The following PHF8 variants were observed in gnomAD, a reference collection of about 807,000 sequenced individuals.
The protein encoded by PHF8 is PHD finger protein 8.
In PHF8, 9 loss-of-function variants were observed where a neutral mutation model predicts 74.4. That is an observed-to-expected ratio of 0.12 (90% CI 0.07 to 0.21). PHF8 has a LOEUF of 0.21. Among genes scored for constraint, PHF8 ranks in the 10% least tolerant of loss-of-function variants. The pLI, the probability that PHF8 is intolerant of heterozygous loss-of-function variation, is 1.00. For missense variants in PHF8, 478 were observed against 816.6 expected (o/e 0.59, Z 5.05); for synonymous variants, 311 against 316.6 (o/e 0.98, Z 0.19).
chrX:53,964,299 G>A (rs1387078698), intron 18 of PHF8, among the ~76,000 whole-genome samples: 1 of 110,790 alleles, frequency 9.0e-6, no homozygotes, highest in Non-Finnish European at 1.9e-5. Flanking sequence ...GGGTTGATGG[G>A]TGCAGCAAAC....
chrX:53,999,845 G>C, intron 11 of PHF8, 25 bp downstream of exon 11: 1 of 997,330 alleles, frequency 1.0e-6, no homozygotes, highest in Non-Finnish European at 1.4e-6. Context: ...AACTCCAGAG[G>C]AGGTAGAGAA....
intron 19 of PHF8, among the ~76,000 whole-genome samples, chrX:53,958,964 A>C (rs908856457): frequency 9.1e-6 from 1 of 110,143 alleles, no homozygotes; most frequent in Non-Finnish European, 1.9e-5. Flanking sequence ...ACATATAAAG[A>C]TATTGACTCC....
At chrX:54,041,401 A>AAAAG (rs2066553618) in intron 2 of PHF8, among the ~76,000 whole-genome samples, 1 of 108,754 alleles carries the variant, frequency 9.2e-6, no homozygotes, top group East Asian at 2.8e-4. Context: ...AAAAAAAAAA[A>AAAAG]AAAGAAAAAA....
intron 19 of PHF8, among the ~76,000 whole-genome samples, chrX:53,952,800 G>A (rs1018398855): frequency 1.7e-4 from 18 of 105,816 alleles, no homozygotes; most frequent in Admixed American, 3.0e-4. Context: ...GGAGAATGGC[G>A]TGAACCCGGG....
At chrX:54,048,743 C>G (rs1375529635), upstream of PHF8, among the ~76,000 whole-genome samples, 1 of 112,336 alleles carries the variant, frequency 8.9e-6, no homozygotes, top group Non-Finnish European at 1.9e-5. Context: ...GCCCTGGAAG[C>G]CTACCTCCCC....
At chrX:54,012,348 TAA>T (rs1455970236) in intron 7 of PHF8, among the ~76,000 whole-genome samples, 2 of 112,106 alleles carry the variant, frequency 1.8e-5, no homozygotes, top group African/African-American at 3.2e-5. Context: ...TATTTTAAAA[TAA>T]AAGAGTTAAA....
At chrX:54,022,468 C>G (rs1324945688) in intron 3 of PHF8, 101 bp from the exon 4 acceptor site, 10 of 594,915 alleles carry the variant, frequency 1.7e-5, no homozygotes, top group Admixed American at 1.6e-4. Context: ...ATCTAACCAC[C>G]CCTTGGAGCA....
At chrX:53,988,466 AAC>A (rs1253652765) in intron 14 of PHF8, among the ~76,000 whole-genome samples, 2 of 111,318 alleles carry the variant, frequency 1.8e-5, no homozygotes, top group Non-Finnish European at 3.8e-5. Context: ...ACTAGAGTAA[AAC>A]ACAGAAAAAT....
chrX:54,006,529 T>C (rs782666785), intron 8 of PHF8, among the ~76,000 whole-genome samples: 5 of 111,613 alleles, frequency 4.5e-5, no homozygotes, highest in South Asian at 7.5e-4. Context: ...AGGTAATATG[T>C]AAATACTAGT....
intron 18 of PHF8, among the ~76,000 whole-genome samples, chrX:53,965,215 G>C (rs782539337): frequency 2.7e-5 from 3 of 111,946 alleles, no homozygotes; most frequent in Non-Finnish European, 5.6e-5. Context: ...CAGGGAAGGA[G>C]GAGTGACACC....
rs782210376 is a variant in PHF8, at chrX:53,995,743, G to T, written c.1273C>A (p.Arg425=). 1 of 1,202,483 alleles carries T rather than the reference G, an allele frequency of 8.3e-7. No individual in the cohort carries two copies. The highest frequency in any genetic ancestry group is 1.8e-5 in the South Asian group (1 of 56,659). Reference sequence around the variant, plus strand: ...AGATCTTTAATGAGCTGTACGGTTCGCACTGTCTCCGGGATCTCATCCTCA... The same window carrying T: ...AGATCTTTAATGAGCTGTACGGTTCTCACTGTCTCCGGGATCTCATCCTCA... ...DHEDEIPETV[R]TVQLIKDLAR... is the part of the protein sequence containing the mutation. Residue 425 remains arginine, a synonymous_variant, in exon 12 of 22, where the codon CGA becomes AGA. Transcript: ENST00000338154.
chrX:53,942,961 A>G (rs972718906), intron 20 of PHF8: 4 of 753,568 alleles, frequency 5.3e-6, no homozygotes, highest in African/African-American at 2.3e-5. Context: ...TTTGTGTGCT[A>G]TACGAAGGAA....
rs2064700085 is a variant in PHF8, at chrX:53,938,457, G to A, written c.*701C>T. 1.3e-6 allele frequency: 1 copy of A among 777,529 alleles called. No individual in the cohort carries two copies. Among genetic ancestry groups the A allele is most frequent in the Non-Finnish European group, 1.5e-6 (1 of 654,677 alleles). The allele number at this position is 777,529 out of a possible 1,213,427, so 64.1% of individuals were successfully genotyped here. On this transcript the variant is annotated 3_prime_UTR_variant, in exon 22 of 22. Coordinates refer to ENST00000338154, the MANE Select transcript of PHF8 (RefSeq NM_015107.3). ...TTCCTCCAACAGGCTACAAAACCGT[G>A]GTCAAAGGCTTGGGCATCTGACCTC...
intron 18 of PHF8, among the ~76,000 whole-genome samples, chrX:53,980,645 T>C (rs1023239499): frequency 1.8e-5 from 2 of 111,837 alleles, no homozygotes; most frequent in African/African-American, 6.5e-5. Flanking sequence ...TGAAAACAAA[T>C]AGAACTAATA....
In PHF8 at chrX:54,011,141, C is replaced by T; in HGVS notation, c.927G>A (p.Gln309=). ...KCYKCSVKQG[Q]TLFIPTGWIH... is the part of the protein sequence containing the mutation. ...GAAGACCTGTGGGAATGAAAAGTGT[C>T]TGTCCTTGCTTCACGGAACACTTGT... Residue 309 remains glutamine (Q), a synonymous_variant, in exon 8 of 22, where the codon CAG becomes CAA. Transcript: ENST00000338154. The T allele has an allele frequency of 8.3e-7, 1 of 1,210,856 alleles. No individual in the cohort carries two copies. The highest frequency in any genetic ancestry group is 1.1e-6 in the Non-Finnish European group (1 of 894,557).
At chrX:53,943,525 T>C (rs1557084177) in intron 20 of PHF8, 15 of 648,299 alleles carry the variant, frequency 2.3e-5, no homozygotes, top group Non-Finnish European at 3.2e-5. Flanking sequence ...CTATAGGATA[T>C]GGGATTAGGA....
At chrX:53,984,374 C>A (rs1282518406) in intron 18 of PHF8, among the ~76,000 whole-genome samples, 1 of 111,379 alleles carries the variant, frequency 9.0e-6, no homozygotes, top group African/African-American at 3.3e-5. Context: ...TCAAAAAAAA[C>A]AAAACAAAAC....
intron 2 of PHF8, among the ~76,000 whole-genome samples, chrX:54,034,951 A>C (rs1557113628): frequency 9.1e-6 from 1 of 109,957 alleles, no homozygotes; most frequent in Non-Finnish European, 1.9e-5. Context: ...GCTGCAGGTG[A>C]GCCGTGACTG....
chrX:53,948,591 G>A (rs1465568809), intron 19 of PHF8, among the ~76,000 whole-genome samples: 1 of 111,576 alleles, frequency 9.0e-6, no homozygotes, highest in Admixed American at 9.5e-5. Flanking sequence ...TGACTTTGAA[G>A]TGGCTCAGCA....
Sources: allele counts gnomAD v4.1 joint callset (sites outside exome capture counted in the v4.1 genomes callset), GRCh38; gene constraint gnomAD v4.1.1; transcripts MANE v1.5; gene names NCBI Gene and HGNC (gene_info 2026-07-23, HGNC 2026-07-21).